Variants in PCDHA2 observed in about 807,000 individuals in gnomAD.
PCDHA2 encodes the protein protocadherin alpha-2.
PCDHA2 carries 58 observed loss-of-function variants against 66.0 expected under a neutral mutation model. The ratio of observed to expected loss-of-function variants is 0.88; its 90% CI spans 0.71 to 1.09. PCDHA2 has a LOEUF of 1.09. Ranked by LOEUF, PCDHA2 falls within the 50% of genes least tolerant of loss-of-function variation. The pLI is 0.00. For missense variants in PCDHA2, 1,267 were observed against 1,242.3 expected, an observed-to-expected ratio of 1.02 and a Z score of -0.30; for synonymous variants, 634 against 554.0, an observed-to-expected ratio of 1.14 and a Z score of -2.03.
Position 140,829,198 on chromosome 5 carries a change from C to A in PCDHA2, c.2388+31846C>A, listed in dbSNP as rs2150163699. On this transcript the variant is annotated intron_variant, in intron 1 of 3. Transcript: ENST00000526136. ...AAGACGCTCAATTTGGTACTGTCATCGCCCTAATTAGCGTGAACGACCTCG... is the reference window on the plus strand; with the variant it reads ...AAGACGCTCAATTTGGTACTGTCATAGCCCTAATTAGCGTGAACGACCTCG... The A allele has an allele frequency of 1.6e-5, 26 of 1,614,214 alleles. No individual in the cohort carries two copies. In the Admixed American group the frequency reaches 2.2e-4, roughly 13 times the overall value.
intron 1 of PCDHA2, among the ~76,000 whole-genome samples, chr5:140,921,897 A>G (rs1414353237): frequency 2.0e-5 from 3 of 152,124 alleles, no homozygotes; most frequent in Non-Finnish European, 2.9e-5. Flanking sequence ...AAAGGAGGAT[A>G]AATATATATT....
intron 1 of PCDHA2, chr5:140,807,832 T>C: frequency 6.2e-7 from 1 of 1,614,186 alleles, no homozygotes; most frequent in South Asian, 1.1e-5. Flanking sequence ...TCACAGCCAC[T>C]GATGGAGGCA....
intron 1 of PCDHA2, among the ~76,000 whole-genome samples, chr5:140,910,650 C>T (rs565503828): frequency 6.6e-6 from 1 of 152,312 alleles, no homozygotes; most frequent in East Asian, 1.9e-4. Flanking sequence ...CCTTTTGATC[C>T]CTTCCTCTAC....
chr5:140,888,447 A>G (rs1554183478), intron 1 of PCDHA2, among the ~76,000 whole-genome samples: 1 of 152,190 alleles, frequency 6.6e-6, no homozygotes, highest in Non-Finnish European at 1.5e-5. Context: ...CCCAACAATA[A>G]AGAATTAGCT....
intron 1 of PCDHA2, among the ~76,000 whole-genome samples, chr5:140,798,196 C>A (rs1461943729): frequency 6.6e-6 from 1 of 152,056 alleles, no homozygotes; most frequent in Non-Finnish European, 1.5e-5. Flanking sequence ...TGAAAGCAGC[C>A]TGAGTGGATA....
intron 3 of PCDHA2, among the ~76,000 whole-genome samples, chr5:140,996,335 T>G (rs887353118): frequency 1.3e-5 from 2 of 152,202 alleles, no homozygotes; most frequent in African/African-American, 4.8e-5. Flanking sequence ...AAGAAAAGTT[T>G]GAAAACCCAA....
intron 2 of PCDHA2, chr5:140,982,217 C>T (rs1257918481): frequency 3.9e-6 from 2 of 507,664 alleles, no homozygotes; most frequent in Non-Finnish European, 6.2e-6. Context: ...CGCCACATGG[C>T]GTTAATAAAA....
At chr5:141,003,122 C>A (rs782642950) in intron 3 of PCDHA2, among the ~76,000 whole-genome samples, 57 of 152,318 alleles carry the variant, frequency 3.7e-4, no homozygotes, top group African/African-American at 9.6e-4. Context: ...TGGCCCTTTC[C>A]TGGCATTTGC....
chr5:140,927,068 C>T, intron 1 of PCDHA2: 1 of 1,611,218 alleles, frequency 6.2e-7, no homozygotes, highest in Non-Finnish European at 8.5e-7. Context: ...CGCTTCCTTT[C>T]CAGCCACCGC....
chr5:140,874,215 G>A (rs2054781939), intron 1 of PCDHA2, among the ~76,000 whole-genome samples: 1 of 152,180 alleles, frequency 6.6e-6, no homozygotes, highest in Non-Finnish European at 1.5e-5. Context: ...ATTATTATAT[G>A]CAGTAGGAAT....
At chr5:140,834,107 A>C in intron 1 of PCDHA2, 1 of 401,594 alleles carries the variant, frequency 2.5e-6, no homozygotes, top group Non-Finnish European at 4.4e-6. Context: ...AAAAAAATTC[A>C]GAGTTTGAAA....
In PCDHA2 at chr5:140,857,847, C is replaced by G. The variant is rs782775653; in HGVS notation, c.2388+60495C>G. The G allele has an allele frequency of 1.4e-5, 23 of 1,597,872 alleles. 1 individual carries two copies. The South Asian group carries it at 2.0e-4, about 14-fold the overall frequency. On this transcript the variant is annotated intron_variant, in intron 1 of 3. Coordinates refer to ENST00000526136, the MANE Select transcript of PCDHA2 (RefSeq NM_018905.3). Reference sequence around the variant, plus strand: ...AAGGTGCGCGCAGTGGACGCTGACTCTGGATACAACGCGTGGCTGTCGTAT... The same window carrying G: ...AAGGTGCGCGCAGTGGACGCTGACTGTGGATACAACGCGTGGCTGTCGTAT...
rs17844245 is a variant in PCDHA2, at chr5:140,795,310, G to T, written c.346G>T (p.Val116Phe). ...VEVIVDRPLQ[V>F]FHVEVEVKDI... Reference sequence around the variant, plus strand: ...GGTGATCGTGGACAGGCCGCTGCAGGTTTTCCATGTGGAAGTGGAGGTGAA... The same window carrying T: ...GGTGATCGTGGACAGGCCGCTGCAGTTTTTCCATGTGGAAGTGGAGGTGAA... Residue 116 changes from valine to phenylalanine, a missense_variant, in exon 1 of 4, where the codon GTT becomes TTT. Physicochemically the swap from Val to Phe is conservative, Grantham distance 50. Transcript: ENST00000526136. 2.7e-4 allele frequency: 440 copies of T among 1,614,220 alleles called. 3 individuals are homozygous for T. In the East Asian group the frequency reaches 9.4e-3, roughly 34 times the overall value.
chr5:140,801,748 G>T, intron 1 of PCDHA2: 1 of 1,613,984 alleles, frequency 6.2e-7, no homozygotes, highest in Non-Finnish European at 8.5e-7. Flanking sequence ...GACGTTAAAA[G>T]AAATGATGAG....
At chr5:140,828,851 A>T in intron 1 of PCDHA2, 1 of 1,614,240 alleles carries the variant, frequency 6.2e-7, no homozygotes, top group South Asian at 1.1e-5. Context: ...AATATTCGAA[A>T]ATGCAGACAA....
rs201064172 is a variant in PCDHA2 at position 140,856,130 on chromosome 5, G to T, written c.2388+58778G>T. Reference sequence around the variant, plus strand: ...CCTCGCAGCCTGGGAGGTGGGGAGCGGCCAGCTCCACTACTCAGTCTACGA... The same window carrying T: ...CCTCGCAGCCTGGGAGGTGGGGAGCTGCCAGCTCCACTACTCAGTCTACGA... On this transcript the variant is annotated intron_variant, in intron 1 of 3. Coordinates refer to ENST00000526136, the MANE Select transcript of PCDHA2 (RefSeq NM_018905.3). 2.5e-4 allele frequency: 403 copies of T among 1,597,952 alleles called. 51 individuals carry two copies. Among genetic ancestry groups the T allele is most frequent in the Non-Finnish European group, 3.0e-4 (350 of 1,167,798 alleles).
At position 140,802,874 on chromosome 5, in the gene PCDHA2, C is replaced by T. The variant is rs368728288; in HGVS notation, c.2388+5522C>T. The T allele has an allele frequency of 3.6e-5, 58 of 1,613,728 alleles. No individual in the cohort carries two copies. The East Asian group carries it at 4.7e-4, about 13-fold the overall frequency. On this transcript the variant is annotated intron_variant, in intron 1 of 3. Transcript: ENST00000526136. ...TGCAGGTGTTCGTGCTGGACGAGAA[C>T]GACAACGCGCCGGCACTGCTGATGC...
Position 140,818,873 on chromosome 5 carries a change from G to A in PCDHA2, c.2388+21521G>A, listed in dbSNP as rs145798187. 6.6e-5 allele frequency among the ~76,000 whole-genome samples: 10 copies of A among 152,306 alleles called. No individual in the cohort carries two copies. In the East Asian group the frequency reaches 1.7e-3, roughly 26 times the overall value. On this transcript the variant is annotated intron_variant, in intron 1 of 3. Coordinates refer to ENST00000526136, the MANE Select transcript of PCDHA2 (RefSeq NM_018905.3). The stretch of plus-strand genomic sequence containing the variant: ...CTATAGGTAGAGGCATAAAAAAGAT[G>A]CCTGAGATTGCATCTCTTGAATTTA...
intron 1 of PCDHA2, among the ~76,000 whole-genome samples, chr5:140,925,538 C>T (rs1387501905): frequency 6.6e-6 from 1 of 151,860 alleles, no homozygotes; most frequent in Non-Finnish European, 1.5e-5. Flanking sequence ...AGGAGAAATA[C>T]CTAATGTAAA....
Sources: gnomAD v4.1 joint callset for allele counts (sites outside exome capture counted in the v4.1 genomes callset) on GRCh38, gnomAD v4.1.1 for gene constraint, MANE v1.5 for transcripts, NCBI Gene and HGNC (gene_info 2026-07-23, HGNC 2026-07-21) for gene names.